Variants in MTREX observed in about 807,000 individuals in gnomAD.
The protein encoded by MTREX is exosome RNA helicase MTR4.
In MTREX, 76 loss-of-function variants were observed where a neutral mutation model predicts 135.4. The ratio of observed to expected loss-of-function variants is 0.56; its 90% confidence interval spans 0.47 to 0.68. The LOEUF is 0.68. Among genes scored for constraint, MTREX ranks in the 30% least tolerant of loss-of-function variants. The pLI is 0.00. For missense variants in MTREX, 920 were observed against 1,262.1 expected (o/e 0.73, Z 4.11); for synonymous variants, 404 against 401.6 (o/e 1.01, Z -0.07).
intron 14 of MTREX, chr5:55,356,524 G>C (rs1749916760): frequency 4.9e-6 from 1 of 202,152 alleles, no homozygotes; most frequent in Non-Finnish European, 1.1e-5. Context: ...ACCCACAAGT[G>C]TCTCAGGGCC....
At chr5:55,313,981 G>A (rs1749158800) in intron 1 of MTREX, among the ~76,000 whole-genome samples, 1 of 151,450 alleles carries the variant, frequency 6.6e-6, no homozygotes, top group African/African-American at 2.4e-5. Context: ...AATATGTAGA[G>A]AGCTGTTTTT....
At chr5:55,337,156 T>A (rs1749567160) in intron 5 of MTREX, among the ~76,000 whole-genome samples, 2 of 152,158 alleles carry the variant, frequency 1.3e-5, no homozygotes. Flanking sequence ...AGGGTCTTGC[T>A]GTCAACCGGG....
At chr5:55,393,771 T>C (rs1386259139) in intron 19 of MTREX, among the ~76,000 whole-genome samples, 3 of 152,250 alleles carry the variant, frequency 2.0e-5, no homozygotes, top group African/African-American at 7.2e-5. Flanking sequence ...TAATTAGGTT[T>C]AGAAAATTGA....
chr5:55,349,814 A>G (rs575901379), intron 12 of MTREX, among the ~76,000 whole-genome samples, 162 bp downstream of exon 12: 3 of 152,334 alleles, frequency 2.0e-5, no homozygotes, highest in East Asian at 1.9e-4. Context: ...TTAAACTTCA[A>G]AAAGGCAATA....
At position 55,327,794 on chromosome 5, in the gene MTREX, A is replaced by C. The variant is rs560062498; in HGVS notation, c.402+16A>C. ...AGCTGCTAAGGTCTGTACTTTGGGT[A>C]ATACAGTTTATATAGTTTCGTGAGA... On this transcript the variant is annotated intron_variant, in intron 4 of 26. Transcript: ENST00000230640. 2.5e-6 allele frequency: 4 copies of C among 1,581,788 alleles called. No homozygotes were observed. In the Middle Eastern group the frequency reaches 5.0e-4, roughly 198 times the overall value.
chr5:55,355,051 A>T (rs1286723214), intron 14 of MTREX, among the ~76,000 whole-genome samples: 1 of 152,188 alleles, frequency 6.6e-6, no homozygotes, highest in Non-Finnish European at 1.5e-5. Flanking sequence ...GAGACATTTC[A>T]CACAATATGA....
chr5:55,403,159 C>T (rs889021439), intron 21 of MTREX, among the ~76,000 whole-genome samples: 1 of 151,720 alleles, frequency 6.6e-6, no homozygotes, highest in East Asian at 1.9e-4. Context: ...CATGGTTGCA[C>T]GACTGTACTC....
chr5:55,319,887 T>A (rs868164068), intron 1 of MTREX, among the ~76,000 whole-genome samples: 1 of 152,352 alleles, frequency 6.6e-6, no homozygotes, highest in South Asian at 2.1e-4. Flanking sequence ...TTATAGACTT[T>A]AACCAGCTCC....
chr5:55,403,035 CAAA>C (rs952964411), intron 21 of MTREX, among the ~76,000 whole-genome samples: 2 of 151,298 alleles, frequency 1.3e-5, no homozygotes, highest in Non-Finnish European at 2.9e-5. Context: ...CCCATCACTG[CAAA>C]AAAATTTTAA....
chr5:55,358,953 C>T (rs1295577516), intron 15 of MTREX, among the ~76,000 whole-genome samples: 1 of 151,638 alleles, frequency 6.6e-6, no homozygotes, highest in African/African-American at 2.4e-5. Flanking sequence ...GAAATGTTTA[C>T]TTTGTCCTCC....
intron 5 of MTREX, among the ~76,000 whole-genome samples, chr5:55,335,889 A>T (rs950886059): frequency 2.6e-5 from 4 of 152,164 alleles, no homozygotes; most frequent in Admixed American, 1.3e-4. Context: ...GATGAAAATG[A>T]TGTATTTCTC....
intron 18 of MTREX, 90 bp downstream of exon 18, chr5:55,379,285 A>G: frequency 2.7e-6 from 2 of 735,498 alleles, no homozygotes; most frequent in Non-Finnish European, 4.5e-6. Context: ...AAGAAATAAT[A>G]TTACCTGAAG....
chr5:55,417,119 G>C (rs925140348), intron 25 of MTREX, among the ~76,000 whole-genome samples: 1 of 152,186 alleles, frequency 6.6e-6, no homozygotes, highest in South Asian at 2.1e-4. Context: ...TTAAATTATG[G>C]TGTTGTATCT....
rs10319 is a variant in MTREX at position 55,425,030 on chromosome 5, G to A, written c.*258G>A. 38 of 871,658 alleles carry A rather than the reference G, an allele frequency of 4.4e-5. No individual in the cohort carries two copies. In the South Asian group the frequency reaches 6.4e-4, roughly 15 times the overall value. 54.0% of individuals were successfully genotyped at this position (871,658 alleles called of 1,614,324 possible). ...TTTTTTAATGAGTTTAGAGCTATTAGATAACCACTGAGTTAAAGGTAACTA... is the reference window on the plus strand; with the variant it reads ...TTTTTTAATGAGTTTAGAGCTATTAAATAACCACTGAGTTAAAGGTAACTA... On this transcript the variant is annotated 3_prime_UTR_variant, in exon 27 of 27. Coordinates refer to ENST00000230640, the MANE Select transcript of MTREX (RefSeq NM_015360.5).
At chr5:55,358,764 G>C in intron 15 of MTREX, 66 bp downstream of exon 15, 1 of 1,393,470 alleles carries the variant, frequency 7.2e-7, no homozygotes, top group Non-Finnish European at 9.6e-7. Context: ...AGCCATTTCA[G>C]AATTGGTTGT....
At chr5:55,362,479 GC>G (rs1352552274) in intron 15 of MTREX, among the ~76,000 whole-genome samples, 3 of 152,056 alleles carry the variant, frequency 2.0e-5, no homozygotes, top group Non-Finnish European at 4.4e-5. Context: ...TCCTACCTCA[GC>G]CTCCCAAGTA....
At chr5:55,362,339 G>A (rs1750028467) in intron 15 of MTREX, among the ~76,000 whole-genome samples, 1 of 151,744 alleles carries the variant, frequency 6.6e-6, no homozygotes, top group African/African-American at 2.4e-5. Flanking sequence ...ACATAAGGCA[G>A]CAGTTTTTTT....
intron 14 of MTREX, among the ~76,000 whole-genome samples, chr5:55,353,631 A>C (rs1363971896): frequency 6.6e-6 from 1 of 152,186 alleles, no homozygotes; most frequent in Non-Finnish European, 1.5e-5. Flanking sequence ...TGAGCCCAGG[A>C]GGTCAAGGCT....
chr5:55,389,276 G>A (rs967229003), intron 19 of MTREX, among the ~76,000 whole-genome samples: 7 of 152,180 alleles, frequency 4.6e-5, no homozygotes, highest in African/African-American at 1.7e-4. Flanking sequence ...GTTGTTGCAA[G>A]TTGGAATAGC....
Sources: gnomAD v4.1 joint callset for allele counts (sites outside exome capture counted in the v4.1 genomes callset) on GRCh38, gnomAD v4.1.1 for gene constraint, MANE v1.5 for transcripts, NCBI Gene and HGNC (gene_info 2026-07-23, HGNC 2026-07-21) for gene names.